TBC1D5: variants seen among roughly 807,000 people sequenced by gnomAD.
TBC1D5 encodes TBC1 domain family, member 5.
In TBC1D5, 75 loss-of-function variants were observed where a neutral mutation model predicts 100.3. The observed-to-expected ratio is 0.75, with a 90% confidence interval of 0.62 to 0.91. The LOEUF is 0.91. Among genes scored for constraint, TBC1D5 ranks in the 40% least tolerant of loss-of-function variants. TBC1D5 has a pLI of 0.00. For synonymous variants in TBC1D5, 323 were observed against 325.6 expected, an observed-to-expected ratio of 0.99 and a Z score of 0.09; for missense variants, 910 against 942.4, an observed-to-expected ratio of 0.97 and a Z score of 0.45.
At chr3:17,513,014 A>G (rs769956494) in intron 2 of TBC1D5, among the ~76,000 whole-genome samples, 8 of 152,290 alleles carry the variant, frequency 5.3e-5, no homozygotes, top group Non-Finnish European at 1.2e-4. Context: ...CACTTAAAAA[A>G]TCAAAGCAAT....
chr3:17,318,796 T>C (rs983797200), intron 13 of TBC1D5, among the ~76,000 whole-genome samples: 1 of 152,220 alleles, frequency 6.6e-6, no homozygotes, highest in Non-Finnish European at 1.5e-5. Flanking sequence ...GCATAGTATC[T>C]ACTATTGCTA....
At chr3:17,468,749 A>C (rs1417658968) in intron 3 of TBC1D5, among the ~76,000 whole-genome samples, 1 of 152,212 alleles carries the variant, frequency 6.6e-6, no homozygotes, top group Non-Finnish European at 1.5e-5. Flanking sequence ...AATCAAAAAC[A>C]TGATTCCTTT....
At position 17,374,756 on chromosome 3, in the gene TBC1D5, TAA is replaced by T. The variant is rs1404068842; in HGVS notation, c.702-79_702-78del. ...GAGGCAGAGTTTGCCTTATTCTATA[TAA>T]GACAACTTTCATATAATATGCAAAC... On this transcript the variant is annotated intron_variant, in intron 10 of 21. Transcript: ENST00000253692. 1.4e-5 allele frequency: 20 copies of T among 1,438,210 alleles called. No individual in the cohort carries two copies. The East Asian group carries it at 3.7e-4, about 27-fold the overall frequency. 89.1% of individuals were successfully genotyped at this position (1,438,210 alleles called of 1,614,324 possible).
In TBC1D5 at chr3:17,467,213, C is replaced by A. The variant is rs552713402; in HGVS notation, c.98-38694G>T. On this transcript the variant is annotated intron_variant, in intron 3 of 21. Transcript: ENST00000253692. ...TGATCCTTCATCCCATTTTTCAGTG[C>A]CTTTCTGATTTTATCAAGCAGAATG... Among the ~76,000 whole-genome samples the A allele has an allele frequency of 2.7e-5, 4 of 150,672 alleles. No homozygotes were observed. In the South Asian group the frequency reaches 8.4e-4, roughly 32 times the overall value.
chr3:17,557,046 A>T (rs2096526759), intron 2 of TBC1D5, among the ~76,000 whole-genome samples: 1 of 152,220 alleles, frequency 6.6e-6, no homozygotes, highest in African/African-American at 2.4e-5. Context: ...CACAAAATAA[A>T]AATAAAAAAT....
intron 14 of TBC1D5, among the ~76,000 whole-genome samples, chr3:17,295,138 G>A (rs116674390): frequency 0.011 from 1,616 of 152,248 alleles, 31 homozygotes; most frequent in African/African-American, 0.036. Flanking sequence ...ACAAAATAGT[G>A]AAGGCACATT....
chr3:17,690,877 T>C (rs986751684), intron 1 of TBC1D5, among the ~76,000 whole-genome samples: 1 of 152,122 alleles, frequency 6.6e-6, no homozygotes, highest in South Asian at 2.1e-4. Context: ...AAATTGTAGA[T>C]AGACAGGGAC....
intron 2 of TBC1D5, among the ~76,000 whole-genome samples, chr3:17,623,220 A>G (rs921416614): frequency 6.6e-6 from 1 of 152,200 alleles, no homozygotes; most frequent in Non-Finnish European, 1.5e-5. Flanking sequence ...CTTAGTAGGT[A>G]TGGGGTTAGG....
chr3:17,445,919 T>C (rs932752403), intron 3 of TBC1D5, among the ~76,000 whole-genome samples: 3 of 152,174 alleles, frequency 2.0e-5, no homozygotes, highest in Non-Finnish European at 2.9e-5. Context: ...TGGACTAGAC[T>C]GAGTAGCACA....
chr3:17,315,719 C>T (rs1383993610), intron 13 of TBC1D5, among the ~76,000 whole-genome samples: 1 of 152,030 alleles, frequency 6.6e-6, no homozygotes, highest in African/African-American at 2.4e-5. Flanking sequence ...AAATGAAGAC[C>T]CCCCAAATGA....
chr3:17,387,037 A>G (rs1043750596), intron 8 of TBC1D5, among the ~76,000 whole-genome samples: 5 of 152,292 alleles, frequency 3.3e-5, no homozygotes, highest in Admixed American at 2.6e-4. Flanking sequence ...ACAATGCTGA[A>G]GTGCTAATTT....
At chr3:17,205,328 C>T (rs992479009) in intron 18 of TBC1D5, among the ~76,000 whole-genome samples, 1 of 152,140 alleles carries the variant, frequency 6.6e-6, no homozygotes, top group Non-Finnish European at 1.5e-5. Flanking sequence ...GAAGTCAATG[C>T]TTTCCACATA....
chr3:17,394,073 A>AG (rs2093432844), intron 8 of TBC1D5, among the ~76,000 whole-genome samples: 1 of 152,130 alleles, frequency 6.6e-6, no homozygotes, highest in Admixed American at 6.6e-5. Flanking sequence ...GGGATCTGCT[A>AG]AACATCCTAC....
chr3:17,498,032 A>G (rs1357288747), intron 3 of TBC1D5, among the ~76,000 whole-genome samples: 2 of 152,144 alleles, frequency 1.3e-5, no homozygotes, highest in African/African-American at 4.8e-5. Context: ...TAAATACTGG[A>G]GATGTAAAAG....
chr3:17,455,243 T>TGTGTG (rs60879444), intron 3 of TBC1D5, among the ~76,000 whole-genome samples: 4 of 141,504 alleles, frequency 2.8e-5, no homozygotes, highest in African/African-American at 1.1e-4. Flanking sequence ...TATACATATA[T>TGTGTG]TATTGTATAT....
intron 4 of TBC1D5, among the ~76,000 whole-genome samples, chr3:17,426,199 C>CA (rs2094332035): frequency 6.6e-6 from 1 of 151,960 alleles, no homozygotes; most frequent in Non-Finnish European, 1.5e-5. Context: ...ATAATGGCAA[C>CA]AAAAAATAAT....
At chr3:17,425,298 AG>A (rs1235886406) in intron 4 of TBC1D5, among the ~76,000 whole-genome samples, 2 of 152,240 alleles carry the variant, frequency 1.3e-5, no homozygotes, top group African/African-American at 4.8e-5. Context: ...ATTTGGAATC[AG>A]GATCTGAACC....
intron 13 of TBC1D5, among the ~76,000 whole-genome samples, chr3:17,330,464 G>A (rs1398828980): frequency 6.6e-6 from 1 of 151,930 alleles, no homozygotes; most frequent in Non-Finnish European, 1.5e-5. Flanking sequence ...CTTCTTTAGT[G>A]CCTATTTCAA....
chr3:17,635,468 G>A (rs2063824083), intron 1 of TBC1D5, among the ~76,000 whole-genome samples: 1 of 152,064 alleles, frequency 6.6e-6, no homozygotes, highest in African/African-American at 2.4e-5. Flanking sequence ...ATCACGTGAG[G>A]TCAGGGGTTT....
Sources: allele counts gnomAD v4.1 joint callset (sites outside exome capture counted in the v4.1 genomes callset), GRCh38; gene constraint gnomAD v4.1.1; transcripts MANE v1.5; gene names NCBI Gene and HGNC (gene_info 2026-07-23, HGNC 2026-07-21).